The following LYST variants were observed in gnomAD, a reference collection of about 807,000 sequenced individuals.
The protein encoded by LYST is lysosomal trafficking regulator.
LYST carries 192 observed loss-of-function variants against 413.6 expected under a neutral mutation model. The ratio of observed to expected loss-of-function variants is 0.46; its 90% CI spans 0.41 to 0.52. LYST has a LOEUF of 0.52. LYST is among the 20% of genes least tolerant of loss of function. The probability of loss-of-function intolerance (pLI) is 0.00; values close to 1 mark genes in which losing one functional copy is unlikely to be tolerated. For synonymous variants in LYST, 1,525 were observed against 1,567.3 expected (o/e 0.97, Z 0.64); for missense variants, 3,815 against 4,499.9 (o/e 0.85, Z 4.35).
chr1:235,682,079 G>C (rs747581162), intron 48 of LYST, among the ~76,000 whole-genome samples: 6 of 152,222 alleles, frequency 3.9e-5, no homozygotes, highest in African/African-American at 1.4e-4. Flanking sequence ...GGGAGGCTGA[G>C]GCAGGAGGAT....
intron 38 of LYST, among the ~76,000 whole-genome samples, chr1:235,727,290 T>G (rs1663973964): frequency 6.6e-6 from 1 of 151,794 alleles, no homozygotes; most frequent in African/African-American, 2.4e-5. Context: ...ACTGGCTAAT[T>G]TTTTTGTATT....
In LYST at chr1:235,792,107, T is replaced by C. The variant is rs1178179147; in HGVS notation, c.4135A>G (p.Ile1379Val). 9 of 1,608,776 alleles carry C rather than the reference T, an allele frequency of 5.6e-6. No homozygotes were observed. Among genetic ancestry groups the C allele is most frequent in the Non-Finnish European group, 6.0e-6 (7 of 1,175,764 alleles). The change falls in exon 12 of 53, where the codon ATT becomes GTT. Residue 1379 changes from isoleucine (I) to valine (V), a missense_variant. Transcript: ENST00000389793. ...SPCTKILLLG[I>V]LKIIESDTTM... Reference sequence around the variant, plus strand: ...GTATCACTTTCAATAATTTTCAGAATACCCAGAAGAAGAATTTTCTAGAGA... The same window carrying C: ...GTATCACTTTCAATAATTTTCAGAACACCCAGAAGAAGAATTTTCTAGAGA...
chr1:235,853,132 G>A (rs1281956885), intron 1 of LYST: 1 of 170,274 alleles, frequency 5.9e-6, no homozygotes, highest in Non-Finnish European at 1.5e-5. Flanking sequence ...TTCTCAAGAT[G>A]TTTTACAGCT....
intron 1 of LYST, among the ~76,000 whole-genome samples, chr1:235,836,329 G>A (rs7543128): frequency 0.51 from 76,698 of 151,652 alleles, 22,768 homozygotes; most frequent in African/African-American, 0.83. Context: ...ATAGTGAGGT[G>A]GAGACAGATG....
intron 44 of LYST, 43 bp downstream of exon 44, chr1:235,709,048 T>TTTGA: frequency 1.4e-5 from 21 of 1,547,046 alleles, no homozygotes; most frequent in Non-Finnish European, 1.9e-5. Flanking sequence ...ATATTCAGGT[T>TTTGA]CTATCTTATA....
chr1:235,859,642 GTAAT>G (rs1171323594), intron 1 of LYST, among the ~76,000 whole-genome samples: 9 of 151,994 alleles, frequency 5.9e-5, no homozygotes, highest in Admixed American at 1.3e-4. Context: ...TAAATTACGA[GTAAT>G]TATCTGCATC....
intron 48 of LYST, among the ~76,000 whole-genome samples, chr1:235,678,130 T>C (rs1659532254): frequency 7.3e-6 from 1 of 137,752 alleles, no homozygotes; most frequent in South Asian, 2.2e-4. Flanking sequence ...GGGAAATAAA[T>C]AATTAAAGTT....
At chr1:235,836,450 G>A (rs1298543488) in intron 1 of LYST, among the ~76,000 whole-genome samples, 1 of 152,178 alleles carries the variant, frequency 6.6e-6, no homozygotes, top group Non-Finnish European at 1.5e-5. Flanking sequence ...GGACAAGGAA[G>A]GTCTGAAGCA....
chr1:235,857,140 T>C (rs750118993), intron 1 of LYST, among the ~76,000 whole-genome samples: 1 of 151,894 alleles, frequency 6.6e-6, no homozygotes, highest in Non-Finnish European at 1.5e-5. Context: ...AGAGATGGGG[T>C]TTCACCATGT....
intron 1 of LYST, among the ~76,000 whole-genome samples, chr1:235,845,584 C>T (rs188292136): frequency 3.0e-4 from 46 of 152,186 alleles, no homozygotes; most frequent in African/African-American, 1.1e-3. Context: ...GGTGGATAGC[C>T]TCGGGGAAGT....
At position 235,810,139 on chromosome 1, in the gene LYST, T is replaced by A; in HGVS notation, c.679A>T (p.Ile227Phe). 1 of 1,614,194 alleles carries A rather than the reference T, an allele frequency of 6.2e-7. No individual in the cohort carries two copies. The highest frequency in any genetic ancestry group is 8.5e-7 in the Non-Finnish European group (1 of 1,180,016). ...GTGTTTGACCCCTGTCTTGGAATAATCTCTCTGGAATTTTCCAAAGCCATA... is the reference window on the plus strand; with the variant it reads ...GTGTTTGACCCCTGTCTTGGAATAAACTCTCTGGAATTTTCCAAAGCCATA... The part of the protein sequence containing the change: ...DAMALENSRE[I>F]IPRQGSNTDI... Residue 227 changes from isoleucine (I) to phenylalanine (F), a missense_variant, in exon 5 of 53, where the codon ATT becomes TTT. By Grantham distance (21) the Ile-to-Phe change is conservative. Coordinates refer to ENST00000389793, the MANE Select transcript of LYST (RefSeq NM_000081.4).
At position 235,766,296 on chromosome 1, in the gene LYST, C is replaced by G. The variant is rs141197189; in HGVS notation, c.5923-19G>C. The G allele has an allele frequency of 1.9e-6, 3 of 1,561,764 alleles. No individual in the cohort carries two copies. Among genetic ancestry groups the G allele is most frequent in the African/African-American group, 1.4e-5 (1 of 72,764 alleles). ...TGTATTCCTGAAAAAATAAAAAAAA[C>G]TCTCTTTAGATTTAAAGAATTGTCA... On this transcript the variant is annotated intron_variant, in intron 20 of 52. Transcript: ENST00000389793.
At chr1:235,720,620 T>C (rs1262829965) in intron 40 of LYST, 41 bp downstream of exon 40, 2 of 1,600,054 alleles carry the variant, frequency 1.2e-6, no homozygotes, top group East Asian at 2.2e-5. Flanking sequence ...ATACAACATA[T>C]GGATGGATGA....
chr1:235,665,573 C>T (rs1458010334), intron 50 of LYST, among the ~76,000 whole-genome samples: 1 of 143,480 alleles, frequency 7.0e-6, no homozygotes, highest in South Asian at 2.2e-4. Flanking sequence ...GATAGTGCCA[C>T]TGCACTCCAG....
rs112419642 is a variant in LYST, at chr1:235,757,267, G to A, written c.7059+14C>T. The A allele has an allele frequency of 3.3e-5, 53 of 1,586,246 alleles. 1 individual carries two copies. Among genetic ancestry groups the A allele is most frequent in the African/African-American group, 3.2e-4 (24 of 74,238 alleles). ...TTTCTGAATTAAAATAACATATCTA[G>A]TATTTGCCCTTACTTTAATAACACC... On this transcript the variant is annotated intron_variant, in intron 24 of 52. Transcript: ENST00000389793.
At chr1:235,859,074 C>T (rs1427976283) in intron 1 of LYST, among the ~76,000 whole-genome samples, 1 of 152,220 alleles carries the variant, frequency 6.6e-6, no homozygotes. Flanking sequence ...TTCTCAATCT[C>T]AGCAGATAAT....
chr1:235,743,197 C>A (rs1665587375), intron 30 of LYST, among the ~76,000 whole-genome samples: 3 of 152,142 alleles, frequency 2.0e-5, no homozygotes, highest in African/African-American at 4.8e-5. Context: ...TCCCACTAAG[C>A]CTAGCCAAAT....
At chr1:235,877,175 T>C (rs1209550064) in intron 1 of LYST, among the ~76,000 whole-genome samples, 1 of 152,062 alleles carries the variant, frequency 6.6e-6, no homozygotes, top group African/African-American at 2.4e-5. Flanking sequence ...TATAACCGAG[T>C]GGTTGTACCA....
intron 41 of LYST, 133 bp downstream of exon 41, chr1:235,716,579 T>C: frequency 1.6e-6 from 1 of 623,724 alleles, no homozygotes; most frequent in Non-Finnish European, 2.9e-6. Context: ...CATAATGATT[T>C]CTAGTTGTCT....
Sources: allele counts gnomAD v4.1 joint callset (sites outside exome capture counted in the v4.1 genomes callset), GRCh38; gene constraint gnomAD v4.1.1; transcripts MANE v1.5; gene names NCBI Gene and HGNC (gene_info 2026-07-23, HGNC 2026-07-21).